Variants in ADAM22 observed in about 807,000 individuals in gnomAD.
ADAM22 encodes disintegrin and metalloproteinase domain-containing protein 22.
In ADAM22, 65 loss-of-function variants were observed where a neutral mutation model predicts 144.6. The observed-to-expected ratio is 0.45, with a 90% confidence interval of 0.37 to 0.55. ADAM22 has a LOEUF of 0.55. ADAM22 is among the 20% of genes least tolerant of loss of function. The pLI is 0.00. For missense variants in ADAM22, 974 were observed against 1,184.9 expected, an observed-to-expected ratio of 0.82 and a Z score of 2.61; for synonymous variants, 391 against 412.6, an observed-to-expected ratio of 0.95 and a Z score of 0.63.
intron 4 of ADAM22, among the ~76,000 whole-genome samples, chr7:88,092,449 G>A (rs927512968): frequency 6.6e-6 from 1 of 152,136 alleles, no homozygotes; most frequent in Non-Finnish European, 1.5e-5. Flanking sequence ...TGTAACATCA[G>A]TTATTCCAGG....
intron 17 of ADAM22, among the ~76,000 whole-genome samples, chr7:88,147,211 C>A (rs1377431987): frequency 6.6e-6 from 1 of 152,178 alleles, no homozygotes; most frequent in Non-Finnish European, 1.5e-5. Flanking sequence ...CAAGTGAGAT[C>A]TTTTTTGCCA....
chr7:87,992,689 T>C (rs1790181159), intron 3 of ADAM22, among the ~76,000 whole-genome samples: 2 of 152,134 alleles, frequency 1.3e-5, no homozygotes, highest in African/African-American at 4.8e-5. Context: ...ATTTTGATAA[T>C]GCTTTGGACT....
chr7:88,169,163 C>T (rs1387543657), intron 25 of ADAM22, among the ~76,000 whole-genome samples: 2 of 152,058 alleles, frequency 1.3e-5, no homozygotes, highest in African/African-American at 4.8e-5. Context: ...TCAAAACCAT[C>T]AAAGAGTTTC....
intron 3 of ADAM22, among the ~76,000 whole-genome samples, chr7:88,044,871 C>T (rs1194325448): frequency 6.6e-6 from 1 of 151,160 alleles, no homozygotes; most frequent in Non-Finnish European, 1.5e-5. Flanking sequence ...GATTGAGGCA[C>T]CTGCCACCAC....
chr7:88,032,738 G>A (rs1259663642), intron 3 of ADAM22, among the ~76,000 whole-genome samples: 1 of 152,152 alleles, frequency 6.6e-6, no homozygotes, highest in Non-Finnish European at 1.5e-5. Context: ...GTGCGGTCTG[G>A]TGGGAGGTGA....
chr7:88,183,034 C>T (rs1475546457), intron 29 of ADAM22, among the ~76,000 whole-genome samples: 1 of 152,164 alleles, frequency 6.6e-6, no homozygotes, highest in Non-Finnish European at 1.5e-5. Flanking sequence ...GGAATAATAA[C>T]ATTGCCCTGA....
chr7:88,017,790 T>A (rs1796877042), intron 3 of ADAM22, among the ~76,000 whole-genome samples: 1 of 152,050 alleles, frequency 6.6e-6, no homozygotes, highest in African/African-American at 2.4e-5. Context: ...TGTGTATATA[T>A]ATATATGTGT....
chr7:88,135,094 A>G (rs1368900958), intron 13 of ADAM22, among the ~76,000 whole-genome samples: 1 of 151,848 alleles, frequency 6.6e-6, no homozygotes, highest in African/African-American at 2.4e-5. Flanking sequence ...CTTTGCCAAC[A>G]TGGTGAAACC....
In ADAM22 at chr7:88,133,394, AT is replaced by A. The variant is rs1832273762; in HGVS notation, c.1077+444del. ...AATAAATAAATAAATAAATAAATAA[AT>A]AAATAAAATTAAAAATATAAAAAAC... is the stretch of plus-strand genomic sequence containing the variant. On this transcript the variant is annotated intron_variant, in intron 12 of 31. Transcript: ENST00000413139. 5.3e-5 allele frequency among the ~76,000 whole-genome samples: 8 copies of A among 151,160 alleles called. 1 individual carries two copies. The South Asian group carries it at 8.3e-4, about 16-fold the overall frequency.
chr7:88,000,692 T>C (rs1043018905), intron 3 of ADAM22, among the ~76,000 whole-genome samples: 1 of 152,178 alleles, frequency 6.6e-6, no homozygotes, highest in African/African-American at 2.4e-5. Context: ...TTATATAACA[T>C]TAATTCCTTA....
chr7:88,183,345 T>A (rs1042382928), intron 29 of ADAM22, among the ~76,000 whole-genome samples: 1 of 152,166 alleles, frequency 6.6e-6, no homozygotes. Flanking sequence ...CAGATAAAAT[T>A]GCAAAATGTT....
chr7:88,120,259 T>C (rs1214756100), intron 7 of ADAM22, among the ~76,000 whole-genome samples: 2 of 152,132 alleles, frequency 1.3e-5, no homozygotes, highest in Non-Finnish European at 2.9e-5. Context: ...ACATGTGCCA[T>C]GTTGGTGTGC....
At chr7:87,969,689 C>A (rs1224040801) in intron 2 of ADAM22, among the ~76,000 whole-genome samples, 1 of 152,146 alleles carries the variant, frequency 6.6e-6, no homozygotes, top group Non-Finnish European at 1.5e-5. Context: ...AATGGAAGAC[C>A]TAGAATTCAA....
chr7:88,137,392 A>G (rs887444641), intron 14 of ADAM22, among the ~76,000 whole-genome samples: 5 of 152,078 alleles, frequency 3.3e-5, no homozygotes, highest in Non-Finnish European at 7.4e-5. Flanking sequence ...CTTTTCCCCT[A>G]CTATTCATGA....
Position 88,171,531 on chromosome 7 carries a change from T to C in ADAM22, c.2283-13T>C, listed in dbSNP as rs200955231. ...TTATGTTTTTCCCTCTTTCTCTTCTTGTCCATGAAAAGAAACTATCGAGAA... is the reference window on the plus strand; with the variant it reads ...TTATGTTTTTCCCTCTTTCTCTTCTCGTCCATGAAAAGAAACTATCGAGAA... On this transcript the variant is annotated splice_polypyrimidine_tract_variant and intron_variant, in intron 25 of 31. Coordinates refer to ENST00000413139, the MANE Select transcript of ADAM22 (RefSeq NM_001324418.2). 6.3e-7 allele frequency: 1 copy of C among 1,588,052 alleles called. No individual in the cohort carries two copies.
At chr7:87,972,743 A>G (rs893200662) in intron 2 of ADAM22, among the ~76,000 whole-genome samples, 1 of 152,226 alleles carries the variant, frequency 6.6e-6, no homozygotes, top group Non-Finnish European at 1.5e-5. Context: ...AGAGGTATAG[A>G]TCTATAGATC....
intron 30 of ADAM22, among the ~76,000 whole-genome samples, chr7:88,187,444 A>C (rs1848570028): frequency 1.3e-5 from 2 of 152,216 alleles, no homozygotes; most frequent in South Asian, 4.1e-4. Flanking sequence ...ATATCGCTAC[A>C]TTTTAGAAAC....
intron 3 of ADAM22, among the ~76,000 whole-genome samples, chr7:88,049,169 A>G (rs1231720130): frequency 2.0e-5 from 3 of 152,204 alleles, no homozygotes; most frequent in Non-Finnish European, 4.4e-5. Flanking sequence ...TGAGGCTTTA[A>G]TGACTGCTAA....
chr7:88,104,344 T>C (rs949528562), intron 4 of ADAM22, among the ~76,000 whole-genome samples: 2 of 152,120 alleles, frequency 1.3e-5, no homozygotes, highest in Admixed American at 6.6e-5. Flanking sequence ...TGAATGTACA[T>C]AGACTATTCT....
Sources: allele counts gnomAD v4.1 joint callset (sites outside exome capture counted in the v4.1 genomes callset), GRCh38; gene constraint gnomAD v4.1.1; transcripts MANE v1.5; gene names NCBI Gene and HGNC (gene_info 2026-07-23, HGNC 2026-07-21).